The following DYM variants were observed in gnomAD, a reference collection of about 807,000 sequenced individuals.
The protein encoded by DYM is dymeclin.
Under a neutral mutation model 93.1 loss-of-function variants are expected in DYM, and 78 were observed. That is an observed-to-expected ratio of 0.84 (90% confidence interval 0.70 to 1.01). The LOEUF is 1.01. Ranked by LOEUF, DYM falls within the 50% of genes least tolerant of loss-of-function variation. The pLI, the probability that DYM is intolerant of heterozygous loss-of-function variation, is 0.00. For missense variants in DYM, 789 were observed against 845.0 expected (o/e 0.93, Z 0.82); for synonymous variants, 321 against 319.7 (o/e 1.00, Z -0.04).
chr18:49,344,013 A>C (rs114534528), intron 6 of DYM, among the ~76,000 whole-genome samples: 1,654 of 152,262 alleles, frequency 0.011, 29 homozygotes, highest in African/African-American at 0.038. Context: ...TAGTAACAAC[A>C]AAAATAATTA....
intron 3 of DYM, 91 bp from the exon 4 acceptor site, chr18:49,379,849 T>C: frequency 9.4e-7 from 1 of 1,063,122 alleles, no homozygotes; most frequent in South Asian, 1.3e-5. Flanking sequence ...AAATGTCATA[T>C]TAAAATTGCT....
chr18:49,252,993 G>A (rs944906062), intron 13 of DYM, among the ~76,000 whole-genome samples: 5 of 152,192 alleles, frequency 3.3e-5, no homozygotes, highest in Non-Finnish European at 4.4e-5. Context: ...CCAAGAGTCT[G>A]TAGAAGGCAC....
intron 17 of DYM, chr18:49,093,417 G>A (rs1179678025): frequency 6.5e-6 from 1 of 152,790 alleles, no homozygotes; most frequent in Admixed American, 6.5e-5. Context: ...AGGGTGTAAG[G>A]GTGGCAACAG....
chr18:49,456,665 G>GA (rs893378743), intron 1 of DYM, among the ~76,000 whole-genome samples: 2 of 151,940 alleles, frequency 1.3e-5, no homozygotes, highest in African/African-American at 2.4e-5. Flanking sequence ...CTTAAGAAAT[G>GA]AAAAAAACAA....
chr18:49,442,904 G>A (rs981710595), intron 1 of DYM, among the ~76,000 whole-genome samples: 1 of 151,198 alleles, frequency 6.6e-6, no homozygotes, highest in African/African-American at 2.4e-5. Context: ...GTCACCCAGG[G>A]TGGAGTGCAG....
intron 13 of DYM, among the ~76,000 whole-genome samples, chr18:49,217,818 C>A (rs1280629247): frequency 6.6e-6 from 1 of 152,166 alleles, no homozygotes; most frequent in African/African-American, 2.4e-5. Flanking sequence ...TTGTAAAGAC[C>A]GTCGAGGCTG....
At chr18:49,439,788 G>C (rs2081171243) in intron 1 of DYM, among the ~76,000 whole-genome samples, 1 of 152,028 alleles carries the variant, frequency 6.6e-6, no homozygotes, top group Non-Finnish European at 1.5e-5. Flanking sequence ...AGGATTTCCA[G>C]AAGCTGAGTT....
chr18:49,426,764 T>C (rs1485552568), intron 2 of DYM, among the ~76,000 whole-genome samples: 10 of 34,116 alleles, frequency 2.9e-4, no homozygotes, highest in Admixed American at 1.3e-3. Context: ...CATGTGTGTG[T>C]GTGTGTGTGT....
rs529058835 is a variant in DYM at position 49,216,608 on chromosome 18, T to C, written c.1461-6893A>G. Reference sequence around the variant, plus strand: ...ATTCGTGGTTCATGAAAATCCGCAGTTCTGAAGCTACCGCTGCTGATACCC... The same window carrying C: ...ATTCGTGGTTCATGAAAATCCGCAGCTCTGAAGCTACCGCTGCTGATACCC... On this transcript the variant is annotated intron_variant, in intron 13 of 17. Coordinates refer to ENST00000675505, the MANE Select transcript of DYM (RefSeq NM_001353214.3). 8.8e-4 allele frequency among the ~76,000 whole-genome samples: 134 copies of C among 152,252 alleles called. 4 individuals carry two copies. The South Asian group carries it at 0.027, about 31-fold the overall frequency.
intron 8 of DYM, among the ~76,000 whole-genome samples, chr18:49,315,037 A>G (rs2061836705): frequency 6.6e-6 from 1 of 152,156 alleles, no homozygotes; most frequent in South Asian, 2.1e-4. Context: ...CAACATGGCA[A>G]AACCCAGTCT....
At chr18:49,378,536 T>C (rs781133252) in intron 5 of DYM, 31 bp downstream of exon 5, 2 of 1,578,380 alleles carry the variant, frequency 1.3e-6, no homozygotes, top group East Asian at 2.2e-5. Flanking sequence ...ACACATGATA[T>C]ATCCAGAACA....
intron 15 of DYM, among the ~76,000 whole-genome samples, chr18:49,154,127 A>G (rs1039607004): frequency 6.6e-6 from 1 of 152,178 alleles, no homozygotes; most frequent in Non-Finnish European, 1.5e-5. Flanking sequence ...GGGATATTCC[A>G]CAAAATAACT....
intron 17 of DYM, among the ~76,000 whole-genome samples, chr18:49,055,948 A>T (rs2075435074): frequency 2.0e-5 from 3 of 152,180 alleles, no homozygotes. Flanking sequence ...TAATGGAACA[A>T]CGGCTTCCCG....
At chr18:49,344,867 C>T (rs2064452393) in intron 6 of DYM, among the ~76,000 whole-genome samples, 1 of 152,084 alleles carries the variant, frequency 6.6e-6, no homozygotes, top group Non-Finnish European at 1.5e-5. Flanking sequence ...AGACAAACTT[C>T]ACAGAGCTTA....
chr18:49,454,893 G>A (rs111671949), intron 1 of DYM, among the ~76,000 whole-genome samples: 12,050 of 134,968 alleles, frequency 0.089, 682 homozygotes, highest in East Asian at 0.31. Context: ...GGGTGATAGA[G>A]CGAGACTCTG....
At chr18:49,381,639 T>TAA (rs1427510029) in intron 3 of DYM, among the ~76,000 whole-genome samples, 1 of 152,212 alleles carries the variant, frequency 6.6e-6, no homozygotes, top group Non-Finnish European at 1.5e-5. Context: ...ACTGCACATG[T>TAA]GTGAAATGTG....
At chr18:49,186,220 T>C (rs1478941779) in intron 14 of DYM, among the ~76,000 whole-genome samples, 1 of 152,204 alleles carries the variant, frequency 6.6e-6, no homozygotes, top group Non-Finnish European at 1.5e-5. Flanking sequence ...ACTGTCTTTT[T>C]TTATTAAACA....
At chr18:49,155,686 C>G (rs1385722886) in intron 15 of DYM, among the ~76,000 whole-genome samples, 1 of 152,216 alleles carries the variant, frequency 6.6e-6, no homozygotes, top group Admixed American at 6.5e-5. Context: ...TTTCAAGGTT[C>G]ATCCATGATT....
At chr18:49,238,077 G>C (rs1217853660) in intron 13 of DYM, among the ~76,000 whole-genome samples, 1 of 152,072 alleles carries the variant, frequency 6.6e-6, no homozygotes, top group Non-Finnish European at 1.5e-5. Flanking sequence ...GGGTCAAAGG[G>C]TGATGTTATT....
Sources: gnomAD v4.1 joint callset for allele counts (sites outside exome capture counted in the v4.1 genomes callset) on GRCh38, gnomAD v4.1.1 for gene constraint, MANE v1.5 for transcripts, NCBI Gene and HGNC (gene_info 2026-07-23, HGNC 2026-07-21) for gene names.